MTUS2: variants seen among roughly 807,000 people sequenced by gnomAD.
The protein encoded by MTUS2 is microtubule associated scaffold protein 2.
MTUS2 carries 40 observed loss-of-function variants against 114.1 expected under a neutral mutation model. The ratio of observed to expected loss-of-function variants is 0.35; its 90% CI spans 0.27 to 0.46. The LOEUF (loss-of-function observed/expected upper bound fraction) is 0.46, where lower values mean the gene tolerates loss of function less well. Ranked by LOEUF, MTUS2 falls within the 20% of genes least tolerant of loss-of-function variation. The probability of loss-of-function intolerance (pLI) is 1.00; values close to 1 mark genes in which losing one functional copy is unlikely to be tolerated. For synonymous variants in MTUS2, 688 were observed against 672.0 expected, an observed-to-expected ratio of 1.02 and a Z score of -0.37; for missense variants, 1,679 against 1,705.4, an observed-to-expected ratio of 0.98 and a Z score of 0.27.
At chr13:29,392,991 A>G (rs1873627133) in intron 8 of MTUS2, among the ~76,000 whole-genome samples, 1 of 152,266 alleles carries the variant, frequency 6.6e-6, no homozygotes, top group African/African-American at 2.4e-5. Flanking sequence ...CCAAAAGAAG[A>G]AAAGACATCT....
intron 5 of MTUS2, among the ~76,000 whole-genome samples, chr13:29,122,154 G>C (rs1353105301): frequency 6.6e-6 from 1 of 152,128 alleles, no homozygotes; most frequent in Non-Finnish European, 1.5e-5. Context: ...CCTGAGTAGG[G>C]GTCTGATATC....
chr13:29,235,963 T>G (rs979991250), intron 5 of MTUS2, among the ~76,000 whole-genome samples: 2 of 152,206 alleles, frequency 1.3e-5, no homozygotes, highest in African/African-American at 2.4e-5. Flanking sequence ...CACTCAAGTT[T>G]TCTAATCTAC....
At chr13:29,169,799 C>T (rs541236655) in intron 5 of MTUS2, among the ~76,000 whole-genome samples, 6 of 152,142 alleles carry the variant, frequency 3.9e-5, no homozygotes, top group Admixed American at 6.5e-5. Flanking sequence ...GCATAAGGGC[C>T]GTGCAGCCAC....
intron 7 of MTUS2, among the ~76,000 whole-genome samples, chr13:29,325,017 TAAG>T (rs1469892174): frequency 6.6e-6 from 1 of 152,218 alleles, no homozygotes; most frequent in African/African-American, 2.4e-5. Flanking sequence ...GATCTAACCT[TAAG>T]AAATAATATT....
At chr13:29,105,227 G>C (rs928987103) in intron 5 of MTUS2, among the ~76,000 whole-genome samples, 1 of 152,170 alleles carries the variant, frequency 6.6e-6, no homozygotes, top group Non-Finnish European at 1.5e-5. Context: ...CCTGTACTTC[G>C]TTATCACATT....
intron 5 of MTUS2, among the ~76,000 whole-genome samples, chr13:29,190,197 A>G (rs1047037608): frequency 1.3e-5 from 2 of 152,248 alleles, no homozygotes; most frequent in African/African-American, 4.8e-5. Flanking sequence ...CGAGATACCC[A>G]TGTACTCTAG....
intron 8 of MTUS2, among the ~76,000 whole-genome samples, chr13:29,370,358 A>C: frequency 6.6e-6 from 1 of 152,030 alleles, no homozygotes; most frequent in South Asian, 2.1e-4. Context: ...GCTACTCAGG[A>C]GGCTGAGGCA....
chr13:28,937,836 C>G (rs566824028), intron 2 of MTUS2, among the ~76,000 whole-genome samples: 62 of 152,268 alleles, frequency 4.1e-4, no homozygotes, highest in African/African-American at 1.5e-3. Flanking sequence ...TTTGGGTCAG[C>G]TGACCTCTAG....
chr13:28,895,258 A>G (rs1427251889), intron 2 of MTUS2, among the ~76,000 whole-genome samples: 1 of 152,178 alleles, frequency 6.6e-6, no homozygotes, highest in Non-Finnish European at 1.5e-5. Flanking sequence ...TCCCTCTTGG[A>G]AGAGAGCATG....
chr13:28,833,476 GAAAC>G (rs904760905), intron 1 of MTUS2, among the ~76,000 whole-genome samples: 17 of 151,890 alleles, frequency 1.1e-4, no homozygotes, highest in Admixed American at 3.3e-4. Context: ...CATCTTAATA[GAAAC>G]AAACAAACAA....
In MTUS2 at chr13:29,024,483, C is replaced by T. The variant is rs1206545278; in HGVS notation, c.-216C>T. On this transcript the variant is annotated 5_prime_UTR_variant, in exon 3 of 16. Coordinates refer to ENST00000612955, the MANE Select transcript of MTUS2 (RefSeq NM_001033602.4). ...TCTCATGGACTGATTGGCTCTCATT[C>T]AGCAGGAACCTAACAGATAAGTCTT... 1 of 571,344 alleles carries T rather than the reference C, an allele frequency of 1.8e-6. No individual in the cohort carries two copies. Among genetic ancestry groups the T allele is most frequent in the Admixed American group, 3.5e-5 (1 of 28,752 alleles). 35.4% of individuals were successfully genotyped at this position (571,344 alleles called of 1,614,324 possible).
At chr13:29,341,900 A>G (rs554819896) in intron 7 of MTUS2, among the ~76,000 whole-genome samples, 41 of 152,208 alleles carry the variant, frequency 2.7e-4, no homozygotes, top group African/African-American at 8.7e-4. Context: ...TATTTGTTGA[A>G]TAGGGTGTCC....
intron 2 of MTUS2, among the ~76,000 whole-genome samples, chr13:28,980,949 T>C (rs955173551): frequency 6.6e-6 from 1 of 152,274 alleles, no homozygotes; most frequent in Admixed American, 6.5e-5. Context: ...AAGCCGGGAC[T>C]TTGCCAGGTA....
chr13:28,990,355 G>A (rs1051281862), intron 2 of MTUS2, among the ~76,000 whole-genome samples: 5 of 152,322 alleles, frequency 3.3e-5, no homozygotes, highest in Middle Eastern at 3.4e-3. Flanking sequence ...TGCTCTAAGA[G>A]TGAGAGGTGA....
intron 6 of MTUS2, among the ~76,000 whole-genome samples, chr13:29,296,374 A>T (rs756193993): frequency 2.6e-5 from 4 of 151,662 alleles, no homozygotes; most frequent in Non-Finnish European, 4.4e-5. Flanking sequence ...TTGGCCAATT[A>T]AAAAAAATTT....
chr13:29,037,872 T>C (rs975714118), intron 4 of MTUS2, among the ~76,000 whole-genome samples: 1 of 152,246 alleles, frequency 6.6e-6, no homozygotes. Flanking sequence ...AGGTCATTTA[T>C]GTTCTTCTCT....
chr13:29,181,437 G>A (rs1324989428), intron 5 of MTUS2, among the ~76,000 whole-genome samples: 1 of 152,164 alleles, frequency 6.6e-6, no homozygotes, highest in Non-Finnish European at 1.5e-5. Flanking sequence ...ACACCAGCCT[G>A]GGTGCAAATA....
chr13:29,257,398 G>T (rs1897315768), intron 5 of MTUS2, among the ~76,000 whole-genome samples: 1 of 152,206 alleles, frequency 6.6e-6, no homozygotes, highest in Non-Finnish European at 1.5e-5. Context: ...ATAGTTTCCT[G>T]TGGTTTTGAT....
chr13:29,445,274 C>A (rs1013632233), intron 9 of MTUS2, among the ~76,000 whole-genome samples: 8 of 152,206 alleles, frequency 5.3e-5, no homozygotes, highest in Non-Finnish European at 8.8e-5. Flanking sequence ...GCCAATTCTT[C>A]CTCATCAGCT....
Sources: gnomAD v4.1 joint callset for allele counts (sites outside exome capture counted in the v4.1 genomes callset) on GRCh38, gnomAD v4.1.1 for gene constraint, MANE v1.5 for transcripts, NCBI Gene and HGNC (gene_info 2026-07-23, HGNC 2026-07-21) for gene names.